Variants in BICD1 observed in about 807,000 individuals in gnomAD.
The protein encoded by BICD1 is protein bicaudal D homolog 1.
Under a neutral mutation model 92.5 loss-of-function variants are expected in BICD1, and 35 were observed. The observed-to-expected ratio is 0.38, with a 90% CI of 0.29 to 0.50. The LOEUF (loss-of-function observed/expected upper bound fraction) is 0.50. Among genes scored for constraint, BICD1 ranks in the 20% least tolerant of loss-of-function variants. The pLI is 0.93. For missense variants in BICD1, 950 were observed against 1,189.8 expected (o/e 0.80, Z 2.97); for synonymous variants, 429 against 465.1 (o/e 0.92, Z 1.00).
At chr12:32,279,871 G>A (rs772725299) in intron 2 of BICD1, among the ~76,000 whole-genome samples, 21 of 152,168 alleles carry the variant, frequency 1.4e-4, no homozygotes, top group Non-Finnish European at 2.8e-4. Flanking sequence ...AGGCTGAGGC[G>A]GGTGGATCAC....
At chr12:32,125,941 C>T (rs537961779) in intron 1 of BICD1, among the ~76,000 whole-genome samples, 80 of 149,044 alleles carry the variant, frequency 5.4e-4, no homozygotes, top group Admixed American at 5.4e-4. Flanking sequence ...CCCAGCTGCT[C>T]GGGAGCCTGA....
At chr12:32,289,742 C>T (rs1290827730) in intron 2 of BICD1, among the ~76,000 whole-genome samples, 1 of 152,184 alleles carries the variant, frequency 6.6e-6, no homozygotes, top group African/African-American at 2.4e-5. Flanking sequence ...GGGAAAACCA[C>T]CTTTAAACAG....
At chr12:32,202,072 T>C (rs1334269577) in intron 1 of BICD1, among the ~76,000 whole-genome samples, 6 of 152,200 alleles carry the variant, frequency 3.9e-5, no homozygotes, top group Non-Finnish European at 7.3e-5. Context: ...TATGGAACAG[T>C]GGTTGCCCAC....
At chr12:32,215,897 T>C (rs934045274) in intron 1 of BICD1, among the ~76,000 whole-genome samples, 13 of 131,070 alleles carry the variant, frequency 9.9e-5, no homozygotes, top group African/African-American at 2.3e-4. Flanking sequence ...GAGCTTGCAG[T>C]GATCCGAGAT....
intron 2 of BICD1, among the ~76,000 whole-genome samples, chr12:32,268,386 CGTCATTGGTCCAT>C (rs113627828): frequency 0.027 from 4,173 of 152,212 alleles, 193 homozygotes; most frequent in African/African-American, 0.094. Context: ...ATAAAAAATA[CGTCATTGGTCCAT>C]GTTCAACTGC....
At chr12:32,300,385 G>A (rs1948003548) in intron 3 of BICD1, among the ~76,000 whole-genome samples, 1 of 151,994 alleles carries the variant, frequency 6.6e-6, no homozygotes, top group African/African-American at 2.4e-5. Flanking sequence ...TTACAGGCAT[G>A]AGCCACCGTG....
At chr12:32,357,050 T>C (rs1939142620) in intron 8 of BICD1, among the ~76,000 whole-genome samples, 1 of 150,706 alleles carries the variant, frequency 6.6e-6, no homozygotes, top group Admixed American at 6.7e-5. Context: ...TCGCTCTTGT[T>C]GCCCAAGCTG....
intron 1 of BICD1, among the ~76,000 whole-genome samples, chr12:32,185,955 T>A (rs941657492): frequency 2.6e-5 from 4 of 151,992 alleles, no homozygotes; most frequent in African/African-American, 9.7e-5. Flanking sequence ...CGCCAGTTGA[T>A]TATGAGGAGG....
At chr12:32,236,639 G>T (rs1466699662) in intron 2 of BICD1, among the ~76,000 whole-genome samples, 1 of 152,184 alleles carries the variant, frequency 6.6e-6, no homozygotes, top group Non-Finnish European at 1.5e-5. Context: ...ATTATGCTTA[G>T]TGAGGAAGGC....
intron 2 of BICD1, among the ~76,000 whole-genome samples, chr12:32,273,874 C>T (rs1270087619): frequency 2.0e-5 from 3 of 152,172 alleles, no homozygotes; most frequent in African/African-American, 7.2e-5. Context: ...CCAACAGGCC[C>T]TCCACCTCAC....
intron 4 of BICD1, among the ~76,000 whole-genome samples, chr12:32,311,055 T>C (rs2136227761): frequency 6.6e-6 from 1 of 152,294 alleles, no homozygotes; most frequent in South Asian, 2.1e-4. Flanking sequence ...GTAAAATATT[T>C]TAAGAGATTT....
At chr12:32,323,221 T>G (rs757986425) in intron 4 of BICD1, among the ~76,000 whole-genome samples, 2 of 152,232 alleles carry the variant, frequency 1.3e-5, no homozygotes, top group Admixed American at 1.3e-4. Flanking sequence ...GAAATCCAGC[T>G]AAGATTTGTA....
In BICD1 at chr12:32,294,147, G is replaced by C; in HGVS notation, c.579+1G>C. ...AGTGTCCACGTTGAAGCAGAACCAG[G>C]TAAGGTTTAAGAAATTTTTTGTTAT... On this transcript the variant is annotated splice_donor_variant, in intron 3 of 9. Transcript: ENST00000652176. LOFTEE classifies it high-confidence loss of function. The C allele has an allele frequency of 6.3e-7, 1 of 1,589,930 alleles. No individual in the cohort carries two copies. Among genetic ancestry groups the C allele is most frequent in the Non-Finnish European group, 8.5e-7 (1 of 1,173,304 alleles).
At chr12:32,152,751 C>A (rs1295793586) in intron 1 of BICD1, among the ~76,000 whole-genome samples, 1 of 151,988 alleles carries the variant, frequency 6.6e-6, no homozygotes, top group African/African-American at 2.4e-5. Flanking sequence ...ATGTCATAAC[C>A]TTTTATTTTC....
chr12:32,253,696 T>G (rs1010094965), intron 2 of BICD1, among the ~76,000 whole-genome samples: 13 of 152,224 alleles, frequency 8.5e-5, no homozygotes, highest in Admixed American at 4.6e-4. Context: ...ATTTCCTAGA[T>G]TTGTTTTATT....
intron 8 of BICD1, among the ~76,000 whole-genome samples, chr12:32,366,440 T>C (rs972673110): frequency 1.5e-4 from 23 of 152,262 alleles, no homozygotes; most frequent in African/African-American, 5.5e-4. Context: ...ACCAATATGG[T>C]GAAACCCTGT....
intron 6 of BICD1, among the ~76,000 whole-genome samples, chr12:32,335,161 T>C (rs1009997167): frequency 1.1e-4 from 16 of 152,126 alleles, no homozygotes; most frequent in Non-Finnish European, 1.6e-4. Context: ...ATAATTTTTT[T>C]TTTTTTTGAG....
chr12:32,374,918 T>A (rs1367924644), intron 9 of BICD1, among the ~76,000 whole-genome samples: 2 of 98,416 alleles, frequency 2.0e-5, no homozygotes, highest in African/African-American at 8.2e-5. Context: ...TCCTTTTTTT[T>A]TTTTTTTTTT....
chr12:32,182,278 C>CTTTTTTTTTTTTTT lies in BICD1; in HGVS notation c.214-33960_214-33947dup, dbSNP rs759328721. Among the ~76,000 whole-genome samples, 361 of 81,396 alleles carry CTTTTTTTTTTTTTT rather than the reference C, an allele frequency of 4.4e-3. 21 individuals are homozygous for CTTTTTTTTTTTTTT. Among genetic ancestry groups the CTTTTTTTTTTTTTT allele is most frequent in the Middle Eastern group, 0.012 (1 of 82 alleles). 53.4% of individuals were successfully genotyped at this position (81,396 alleles called of 152,430 possible). On this transcript the variant is annotated intron_variant, in intron 1 of 9. Transcript: ENST00000652176. ...TTCTTTTTTCTTTCTTTCTTTCTTT[C>CTTTTTTTTTTTTTT]TTTTTTTTTTTTTTTTTTTTTTGAG...
Sources: allele counts gnomAD v4.1 joint callset (sites outside exome capture counted in the v4.1 genomes callset), GRCh38; gene constraint gnomAD v4.1.1; transcripts MANE v1.5; gene names NCBI Gene and HGNC (gene_info 2026-07-23, HGNC 2026-07-21).